The following AGBL4 variants were observed in gnomAD, a reference collection of about 807,000 sequenced individuals.
AGBL4 encodes AGBL carboxypeptidase 4.
AGBL4 carries 58 observed loss-of-function variants against 66.4 expected under a neutral mutation model. The ratio of observed to expected loss-of-function variants is 0.87; its 90% confidence interval spans 0.71 to 1.09. The LOEUF is 1.09. Ranked by LOEUF, AGBL4 falls within the 50% of genes least tolerant of loss-of-function variation. The pLI is 0.00. For missense variants in AGBL4, 579 were observed against 631.0 expected (o/e 0.92, Z 0.88); for synonymous variants, 234 against 222.9 (o/e 1.05, Z -0.44).
At chr1:49,937,115 C>T (rs1322245033) in intron 1 of AGBL4, among the ~76,000 whole-genome samples, 2 of 152,066 alleles carry the variant, frequency 1.3e-5, no homozygotes, top group Admixed American at 6.6e-5. Flanking sequence ...CAGAGACACA[C>T]ATAGGCTCAA....
At chr1:49,919,108 A>G (rs919980263) in intron 1 of AGBL4, among the ~76,000 whole-genome samples, 1 of 152,210 alleles carries the variant, frequency 6.6e-6, no homozygotes, top group East Asian at 1.9e-4. Context: ...GCTATCTATG[A>G]CAAACCCACA....
At chr1:49,119,316 C>T (rs779171706) in intron 4 of AGBL4, among the ~76,000 whole-genome samples, 1 of 152,164 alleles carries the variant, frequency 6.6e-6, no homozygotes, top group African/African-American at 2.4e-5. Context: ...ATCTTTTCTG[C>T]CTTCTCTTGT....
chr1:48,711,364 G>A (rs1460753432), intron 6 of AGBL4, among the ~76,000 whole-genome samples: 2 of 152,154 alleles, frequency 1.3e-5, no homozygotes, highest in South Asian at 2.1e-4. Context: ...CTTTTGGGGT[G>A]AGCCTGTCAG....
In AGBL4 at chr1:48,653,359, C is replaced by T. The variant is rs776478916; in HGVS notation, c.817G>A (p.Gly273Arg). Reference sequence around the variant, plus strand: ...TACCTGTAATTGCCCAGGTAGACTCCATCAGGATTGAGCATTGGTGCGATC... The same window carrying T: ...TACCTGTAATTGCCCAGGTAGACTCTATCAGGATTGAGCATTGGTGCGATC... ...FKIAPMLNPD[G>R]VYLGNYRCSL... The change falls in exon 8 of 14, where the codon GGA becomes AGA. Residue 273 changes from glycine to arginine, a missense_variant. Transcript: ENST00000371839. The T allele has an allele frequency of 6.3e-7, 1 of 1,581,776 alleles. No homozygotes were observed.
At position 49,724,451 on chromosome 1, in the gene AGBL4, T is replaced by C. The variant is rs966341788; in HGVS notation, c.158-27014A>G. ...CCTTTCCTTAGGTTTTATGCTCTCA[T>C]AGAGAAGACTGACATTAATTGAATC... On this transcript the variant is annotated intron_variant, in intron 2 of 13. Coordinates refer to ENST00000371839, the MANE Select transcript of AGBL4 (RefSeq NM_032785.4). Among the ~76,000 whole-genome samples the C allele has an allele frequency of 8.1e-4, 123 of 152,144 alleles. 1 individual carries two copies. Among genetic ancestry groups the C allele is most frequent in the African/African-American group, 2.9e-3 (119 of 41,446 alleles).
chr1:49,776,822 C>A (rs1480597995), intron 2 of AGBL4, among the ~76,000 whole-genome samples: 1 of 152,006 alleles, frequency 6.6e-6, no homozygotes, highest in Non-Finnish European at 1.5e-5. Context: ...TGTCTGCCTC[C>A]CAAACATGAC....
intron 5 of AGBL4, among the ~76,000 whole-genome samples, chr1:48,998,383 A>G (rs545313740): frequency 6.7e-4 from 102 of 152,286 alleles, no homozygotes; most frequent in Middle Eastern, 3.4e-3. Context: ...TAGCCTGCCC[A>G]TCTGATATCA....
intron 3 of AGBL4, among the ~76,000 whole-genome samples, chr1:49,551,792 T>C (rs1373077411): frequency 2.0e-5 from 3 of 152,240 alleles, no homozygotes; most frequent in Admixed American, 2.0e-4. Context: ...TAGGTAGTGC[T>C]GTCCAGAGAG....
rs796365820 is a variant in AGBL4, at chr1:49,598,305, T to G, written c.282+99008A>C. On this transcript the variant is annotated intron_variant, in intron 3 of 13. Transcript: ENST00000371839. Reference sequence around the variant, plus strand: ...GGAGATGCGCTCTGCTTTTTAGGGTTTCCAGTTTTTCTGCTCTGTTTTTTC... The same window carrying G: ...GGAGATGCGCTCTGCTTTTTAGGGTGTCCAGTTTTTCTGCTCTGTTTTTTC... 3.1e-4 allele frequency among the ~76,000 whole-genome samples: 47 copies of G among 152,362 alleles called. 1 individual carries two copies. Among genetic ancestry groups the G allele is most frequent in the African/African-American group, 1.1e-3 (45 of 41,592 alleles).
At chr1:49,951,158 C>T (rs11205668) in intron 1 of AGBL4, among the ~76,000 whole-genome samples, 63,587 of 151,586 alleles carry the variant, frequency 0.42, 15,812 homozygotes, top group Non-Finnish European at 0.56. Flanking sequence ...TTGTACAGCA[C>T]GGTGACTATA....
At chr1:49,779,731 T>C (rs1644290565) in intron 2 of AGBL4, among the ~76,000 whole-genome samples, 1 of 152,092 alleles carries the variant, frequency 6.6e-6, no homozygotes, top group African/African-American at 2.4e-5. Context: ...GTTTTCCCCA[T>C]GAAGCTTGCC....
intron 3 of AGBL4, among the ~76,000 whole-genome samples, chr1:49,528,271 C>T (rs930591982): frequency 2.2e-4 from 34 of 152,018 alleles, no homozygotes; most frequent in Non-Finnish European, 4.4e-4. Context: ...AATAAGTACT[C>T]ATGGTACTTA....
chr1:49,548,402 G>C (rs1255851831), intron 3 of AGBL4, among the ~76,000 whole-genome samples: 1 of 151,976 alleles, frequency 6.6e-6, no homozygotes, highest in Non-Finnish European at 1.5e-5. Context: ...TTATTATGTT[G>C]GCTGTGGGTT....
chr1:49,955,982 G>T (rs928071983), intron 1 of AGBL4, among the ~76,000 whole-genome samples: 9 of 151,722 alleles, frequency 5.9e-5, no homozygotes, highest in African/African-American at 2.2e-4. Flanking sequence ...TTAGGAAAAT[G>T]GATTCAGCAA....
At chr1:50,010,118 T>C (rs1470614289) in intron 1 of AGBL4, among the ~76,000 whole-genome samples, 2 of 151,926 alleles carry the variant, frequency 1.3e-5, no homozygotes, top group Admixed American at 6.6e-5. Context: ...CCACCCTGGC[T>C]AACAAGATGA....
At chr1:49,476,852 C>A (rs143338307) in intron 3 of AGBL4, among the ~76,000 whole-genome samples, 1 of 152,020 alleles carries the variant, frequency 6.6e-6, no homozygotes, top group African/African-American at 2.4e-5. Context: ...AGGTGAATCC[C>A]AGGCATGGCA....
intron 3 of AGBL4, among the ~76,000 whole-genome samples, chr1:49,687,195 G>A (rs1240962021): frequency 6.6e-6 from 1 of 152,122 alleles, no homozygotes. Flanking sequence ...TCAGTGTGAA[G>A]GATGAACTTA....
intron 1 of AGBL4, among the ~76,000 whole-genome samples, chr1:49,943,990 A>G (rs1428677334): frequency 1.3e-5 from 2 of 152,022 alleles, no homozygotes; most frequent in Non-Finnish European, 2.9e-5. Flanking sequence ...TCATGGGAAC[A>G]TAACTCCATA....
chr1:49,262,885 G>A (rs1322131929), intron 3 of AGBL4, among the ~76,000 whole-genome samples: 2 of 152,172 alleles, frequency 1.3e-5, no homozygotes, highest in African/African-American at 4.8e-5. Flanking sequence ...ATTCACAGTA[G>A]CAAAGACTTG....
Sources: allele counts gnomAD v4.1 joint callset (sites outside exome capture counted in the v4.1 genomes callset), GRCh38; gene constraint gnomAD v4.1.1; transcripts MANE v1.5; gene names NCBI Gene and HGNC (gene_info 2026-07-23, HGNC 2026-07-21).